Variants in RASGRF2 observed in about 807,000 individuals in gnomAD.
RASGRF2 encodes Ras protein specific guanine nucleotide releasing factor 2, also known as ras-specific guanine nucleotide-releasing factor 2.
A neutral mutation model predicts 151.0 loss-of-function variants in RASGRF2; 76 were observed. The ratio of observed to expected loss-of-function variants is 0.50; its 90% confidence interval spans 0.42 to 0.61. The LOEUF (loss-of-function observed/expected upper bound fraction) is 0.61, where lower values mean the gene tolerates loss of function less well. Among genes scored for constraint, RASGRF2 ranks in the 20% least tolerant of loss-of-function variants. The pLI is 0.00. For missense variants in RASGRF2, 1,148 were observed against 1,564.6 expected (o/e 0.73, Z 4.49); for synonymous variants, 504 against 566.5 (o/e 0.89, Z 1.57).
intron 17 of RASGRF2, among the ~76,000 whole-genome samples, chr5:81,143,770 A>G (rs1003071513): frequency 2.6e-5 from 4 of 151,974 alleles, no homozygotes; most frequent in Non-Finnish European, 4.4e-5. Flanking sequence ...CACACCTGTA[A>G]TCCTAGCTAC....
chr5:80,961,290 C>T (rs888819), intron 1 of RASGRF2, among the ~76,000 whole-genome samples: 12,302 of 152,222 alleles, frequency 0.081, 680 homozygotes, highest in African/African-American at 0.15. Context: ...TGGTAGAGGT[C>T]GAGTCGTTTC....
rs779541365 is a variant in RASGRF2, at chr5:81,111,809, GA to G, written c.1839-794del. 9.9e-5 allele frequency among the ~76,000 whole-genome samples: 15 copies of G among 151,976 alleles called. No homozygotes were observed. The East Asian group carries it at 2.1e-3, about 22-fold the overall frequency. On this transcript the variant is annotated intron_variant, in intron 13 of 26. Transcript: ENST00000265080. ...AACCCTATATCCATCAGTTTAATCC[GA>G]AAAAAATAAAAGGGGAGGGGTGAGG...
At chr5:81,051,625 G>A (rs1410246179) in intron 2 of RASGRF2, among the ~76,000 whole-genome samples, 1 of 152,140 alleles carries the variant, frequency 6.6e-6, no homozygotes, top group Admixed American at 6.5e-5. Flanking sequence ...ATGTTTCCAA[G>A]CTTCGTCAAT....
chr5:80,974,729 G>A (rs1748054238), intron 1 of RASGRF2, among the ~76,000 whole-genome samples: 1 of 152,200 alleles, frequency 6.6e-6, no homozygotes, highest in African/African-American at 2.4e-5. Context: ...TTAGGCCGGA[G>A]AGTCACAAAG....
At chr5:80,995,520 C>T (rs1430088188) in intron 1 of RASGRF2, among the ~76,000 whole-genome samples, 1 of 151,492 alleles carries the variant, frequency 6.6e-6, no homozygotes, top group East Asian at 1.9e-4. Context: ...GTAAAAATGA[C>T]CTGGGTAGTA....
chr5:81,041,365 A>C (rs1054317914), intron 1 of RASGRF2, among the ~76,000 whole-genome samples: 1 of 151,994 alleles, frequency 6.6e-6, no homozygotes, highest in Non-Finnish European at 1.5e-5. Context: ...GTGTACTGTT[A>C]TTCGTGAATA....
intron 1 of RASGRF2, among the ~76,000 whole-genome samples, chr5:81,009,203 A>T (rs1749375584): frequency 6.6e-6 from 1 of 152,238 alleles, no homozygotes; most frequent in Non-Finnish European, 1.5e-5. Context: ...AAAATGCAGG[A>T]TGGATCTCAG....
intron 26 of RASGRF2, chr5:81,223,330 C>T (rs964951775): frequency 3.3e-5 from 5 of 152,080 alleles, no homozygotes; most frequent in Non-Finnish European, 5.9e-5. Flanking sequence ...ATGGCCACAT[C>T]CTAAAGTGAG....
At position 81,175,807 on chromosome 5, in the gene RASGRF2, A is replaced by G. The variant is rs917680336; in HGVS notation, c.2687-4368A>G. Among the ~76,000 whole-genome samples, 4 of 152,232 alleles carry G rather than the reference A, an allele frequency of 2.6e-5. No homozygotes were observed. The South Asian group carries it at 6.2e-4, about 24-fold the overall frequency. On this transcript the variant is annotated intron_variant, in intron 17 of 26. Coordinates refer to ENST00000265080, the MANE Select transcript of RASGRF2 (RefSeq NM_006909.3). The stretch of plus-strand genomic sequence containing the variant: ...GAAAAATATCTACTGGGCAAAGCAA[A>G]GCACATTGATAACATTGATGCTGTT...
At chr5:81,019,547 A>T (rs17409544) in intron 1 of RASGRF2, 23,567 of 152,206 alleles carry the variant, frequency 0.15, 1,878 homozygotes, top group Admixed American at 0.21. Flanking sequence ...TATCTGTGAG[A>T]GGCGAGGCTT....
In RASGRF2 at chr5:81,073,128, T is replaced by G. The variant is rs1409662959; in HGVS notation, c.634-71T>G. 4 of 1,493,448 alleles carry G rather than the reference T, an allele frequency of 2.7e-6. No homozygotes were observed. In the East Asian group the frequency reaches 9.1e-5, roughly 34 times the overall value. 92.5% of individuals were successfully genotyped at this position (1,493,448 alleles called of 1,614,324 possible). A position where few individuals can be genotyped will look rare whatever the true frequency, so the allele number is the denominator to read the frequency against. On this transcript the variant is annotated intron_variant, in intron 4 of 26. Coordinates refer to ENST00000265080, the MANE Select transcript of RASGRF2 (RefSeq NM_006909.3). Reference sequence around the variant, plus strand: ...CTGCAAAATTGATTTTTAATTATATTTCATGTTCTTTTCCATAAATAAATC... The same window carrying G: ...CTGCAAAATTGATTTTTAATTATATGTCATGTTCTTTTCCATAAATAAATC...
At chr5:81,033,964 C>G (rs189152490) in intron 1 of RASGRF2, among the ~76,000 whole-genome samples, 32 of 152,310 alleles carry the variant, frequency 2.1e-4, no homozygotes, top group Admixed American at 1.6e-3. Flanking sequence ...AAAAATCAAA[C>G]AACCCCATCA....
At chr5:81,217,268 G>A in intron 24 of RASGRF2, 88 bp from the exon 25 acceptor site, 1 of 1,494,114 alleles carries the variant, frequency 6.7e-7, no homozygotes, top group Non-Finnish European at 8.9e-7. Flanking sequence ...ACCAAAGGAG[G>A]ATACTTTAAT....
At chr5:81,114,617 A>T (rs973750605) in intron 15 of RASGRF2, among the ~76,000 whole-genome samples, 1 of 152,232 alleles carries the variant, frequency 6.6e-6, no homozygotes, top group African/African-American at 2.4e-5. Context: ...TCTGTGAGAC[A>T]TGGATCCTGT....
chr5:81,020,323 G>A (rs756458267), intron 1 of RASGRF2, among the ~76,000 whole-genome samples: 1 of 152,102 alleles, frequency 6.6e-6, no homozygotes, highest in South Asian at 2.1e-4. Flanking sequence ...AGGCTTAAGG[G>A]GGTCTTTTTT....
At chr5:81,159,047 C>A (rs1754323175) in intron 17 of RASGRF2, among the ~76,000 whole-genome samples, 2 of 152,124 alleles carry the variant, frequency 1.3e-5, no homozygotes, top group African/African-American at 4.8e-5. Context: ...TCCAAATGTC[C>A]ATCAGCAAAT....
chr5:81,175,464 T>C (rs1364420915), intron 17 of RASGRF2, among the ~76,000 whole-genome samples: 1 of 152,070 alleles, frequency 6.6e-6, no homozygotes, highest in Non-Finnish European at 1.5e-5. Context: ...TAGAAAAATA[T>C]CTACTGGGGC....
At chr5:81,027,477 G>C (rs1342658771) in intron 1 of RASGRF2, among the ~76,000 whole-genome samples, 1 of 151,994 alleles carries the variant, frequency 6.6e-6, no homozygotes, top group Non-Finnish European at 1.5e-5. Context: ...CATTCCCCTC[G>C]CTCCTGGCAA....
chr5:81,047,620 G>A (rs754013486), intron 2 of RASGRF2, among the ~76,000 whole-genome samples: 6 of 152,188 alleles, frequency 3.9e-5, no homozygotes, highest in Non-Finnish European at 7.3e-5. Context: ...TTACAAAAAG[G>A]AATATGTTTC....
Sources: allele counts gnomAD v4.1 joint callset (sites outside exome capture counted in the v4.1 genomes callset), GRCh38; gene constraint gnomAD v4.1.1; transcripts MANE v1.5; gene names NCBI Gene and HGNC (gene_info 2026-07-23, HGNC 2026-07-21).